The following FER variants were observed in gnomAD, a reference collection of about 807,000 sequenced individuals.
FER encodes tyrosine-protein kinase Fer.
Under a neutral mutation model 111.0 loss-of-function variants are expected in FER, and 63 were observed. That is an observed-to-expected ratio of 0.57 (90% CI 0.46 to 0.70). The LOEUF (loss-of-function observed/expected upper bound fraction) is 0.70, where lower values mean the gene tolerates loss of function less well. FER is among the 30% of genes least tolerant of loss of function. FER has a pLI of 0.00. For missense variants in FER, 914 were observed against 954.0 expected, an observed-to-expected ratio of 0.96 and a Z score of 0.55; for synonymous variants, 327 against 313.9, an observed-to-expected ratio of 1.04 and a Z score of -0.44.
At chr5:108,794,325 C>A (rs899183372) in intron 2 of FER, among the ~76,000 whole-genome samples, 1 of 151,152 alleles carries the variant, frequency 6.6e-6, no homozygotes, top group Non-Finnish European at 1.5e-5. Flanking sequence ...TCAAGTGATT[C>A]TCCTGCTGCG....
intron 17 of FER, among the ~76,000 whole-genome samples, chr5:109,139,350 CTTTTTTTTTTTT>C (rs59092426): frequency 1.1e-5 from 1 of 91,114 alleles, no homozygotes; most frequent in South Asian, 3.9e-4. Context: ...TTCTTTCTTT[CTTTTTTTTTTTT>C]TTTTTTGAGG....
chr5:108,885,955 A>T (rs1259256961), intron 9 of FER, among the ~76,000 whole-genome samples: 1 of 151,990 alleles, frequency 6.6e-6, no homozygotes, highest in African/African-American at 2.4e-5. Context: ...CAAAAGAATT[A>T]TCTTTTGCTT....
chr5:109,035,770 C>T (rs964208954), intron 13 of FER, among the ~76,000 whole-genome samples: 5 of 152,292 alleles, frequency 3.3e-5, no homozygotes, highest in Middle Eastern at 3.4e-3. Context: ...TGCATTTTCA[C>T]CAGCGATACA....
rs894345222 is a variant in FER at position 109,131,762 on chromosome 5, A to C, written c.2048+31243A>C. Among the ~76,000 whole-genome samples the C allele has an allele frequency of 1.1e-3, 166 of 152,284 alleles. 1 individual carries two copies. The highest frequency in any genetic ancestry group is 3.9e-3 in the African/African-American group (163 of 41,566). ...CATTATGGTATTTGTTGCTAAGAACAGAAAATAATCCATATTTGTTTTCTG... is the reference window on the plus strand; with the variant it reads ...CATTATGGTATTTGTTGCTAAGAACCGAAAATAATCCATATTTGTTTTCTG... On this transcript the variant is annotated intron_variant, in intron 17 of 19. Transcript: ENST00000281092.
chr5:109,070,866 A>G (rs1408436548), intron 16 of FER, among the ~76,000 whole-genome samples: 1 of 151,942 alleles, frequency 6.6e-6, no homozygotes, highest in Non-Finnish European at 1.5e-5. Flanking sequence ...ATTTTGTAAT[A>G]CAAACATGAT....
chr5:108,999,467 G>C (rs1281309225), intron 13 of FER, among the ~76,000 whole-genome samples: 3 of 151,822 alleles, frequency 2.0e-5, no homozygotes. Context: ...TATTTGTTTT[G>C]CTTTTAATTT....
Position 108,883,541 on chromosome 5 carries a change from G to C in FER, c.1046+23G>C, listed in dbSNP as rs776749895. On this transcript the variant is annotated intron_variant, in intron 9 of 19. Transcript: ENST00000281092. ...TGAGTGAGTAAAAGAGAAACAATTT[G>C]AAGGAAGAATGTTTAATTGTAATTT... The C allele has an allele frequency of 5.8e-6, 9 of 1,540,930 alleles. No individual in the cohort carries two copies. In the South Asian group the frequency reaches 1.1e-4, roughly 19 times the overall value.
intron 16 of FER, among the ~76,000 whole-genome samples, chr5:109,097,647 T>C (rs1747706260): frequency 6.6e-6 from 1 of 151,942 alleles, no homozygotes; most frequent in Non-Finnish European, 1.5e-5. Flanking sequence ...AAAGACTATG[T>C]CATCTGATAT....
intron 1 of FER, 132 bp from the exon 2 acceptor site, chr5:108,767,961 T>G (rs1256089282): frequency 1.3e-5 from 2 of 152,250 alleles, no homozygotes; most frequent in Non-Finnish European, 2.9e-5. Flanking sequence ...TGTAGCATTC[T>G]TATTTTTAAC....
At chr5:109,105,219 C>A (rs1748749020) in intron 17 of FER, among the ~76,000 whole-genome samples, 1 of 144,094 alleles carries the variant, frequency 6.9e-6, no homozygotes, top group South Asian at 2.2e-4. Context: ...GATACTGCTT[C>A]CAGCTTATAT....
intron 10 of FER, among the ~76,000 whole-genome samples, chr5:108,901,638 A>G (rs1331734681): frequency 6.6e-6 from 1 of 152,180 alleles, no homozygotes; most frequent in East Asian, 1.9e-4. Flanking sequence ...CATTTTATAA[A>G]CCTTAATATT....
At chr5:108,848,462 C>T (rs1283396088) in intron 5 of FER, among the ~76,000 whole-genome samples, 1 of 152,074 alleles carries the variant, frequency 6.6e-6, no homozygotes, top group Non-Finnish European at 1.5e-5. Context: ...CTTATCTCTT[C>T]TGCTAATTTG....
intron 16 of FER, among the ~76,000 whole-genome samples, chr5:109,058,688 T>TTG (rs1331868812): frequency 6.6e-6 from 1 of 151,080 alleles, no homozygotes; most frequent in Non-Finnish European, 1.5e-5. Context: ...TGATATAATT[T>TTG]TGTGCTATCT....
intron 16 of FER, among the ~76,000 whole-genome samples, chr5:109,078,045 C>T (rs1334749627): frequency 6.6e-6 from 1 of 152,128 alleles, no homozygotes; most frequent in Non-Finnish European, 1.5e-5. Flanking sequence ...TCAGCAATCA[C>T]CAGTATACTC....
intron 10 of FER, among the ~76,000 whole-genome samples, chr5:108,942,724 T>C (rs1290519588): frequency 6.6e-6 from 1 of 152,190 alleles, no homozygotes; most frequent in Admixed American, 6.6e-5. Flanking sequence ...CATACTGATA[T>C]TTACAGTATT....
intron 5 of FER, among the ~76,000 whole-genome samples, chr5:108,845,021 T>TATATATATATATATATAC (rs1761811636): frequency 7.6e-5 from 4 of 52,738 alleles, no homozygotes; most frequent in Non-Finnish European, 7.4e-5. Context: ...TATATATATA[T>TATATATATATATATATAC]ATATATATAT....
intron 11 of FER, among the ~76,000 whole-genome samples, chr5:108,949,458 T>G (rs978457509): frequency 3.9e-5 from 6 of 152,152 alleles, no homozygotes; most frequent in Non-Finnish European, 7.4e-5. Context: ...TCTCATACAC[T>G]AAATTCTGTC....
intron 10 of FER, among the ~76,000 whole-genome samples, chr5:108,940,967 A>G (rs1396398229): frequency 6.6e-6 from 1 of 152,118 alleles, no homozygotes; most frequent in Non-Finnish European, 1.5e-5. Flanking sequence ...TTCAAAGACT[A>G]GGCTGGGGAA....
intron 5 of FER, among the ~76,000 whole-genome samples, chr5:108,845,005 T>TATAC (rs1761770811): frequency 5.0e-5 from 1 of 19,844 alleles, no homozygotes; most frequent in Non-Finnish European, 9.4e-5. Context: ...TGTATATATA[T>TATAC]ATATATATAT....
Sources: gnomAD v4.1 joint callset for allele counts (sites outside exome capture counted in the v4.1 genomes callset) on GRCh38, gnomAD v4.1.1 for gene constraint, MANE v1.5 for transcripts, NCBI Gene and HGNC (gene_info 2026-07-23, HGNC 2026-07-21) for gene names.